The following MYPN variants were observed in gnomAD, a reference collection of about 807,000 sequenced individuals.
MYPN encodes the protein myopalladin, also known as sarcomeric protein myopalladin, 145 kDa (MYOP).
In MYPN, 63 loss-of-function variants were observed where a neutral mutation model predicts 129.4. The observed-to-expected ratio is 0.49, with a 90% CI of 0.40 to 0.60. The LOEUF (loss-of-function observed/expected upper bound fraction) is 0.60. Among genes scored for constraint, MYPN ranks in the 20% least tolerant of loss-of-function variants. MYPN has a pLI of 0.00. For synonymous variants in MYPN, 629 were observed against 600.9 expected (o/e 1.05, Z -0.68); for missense variants, 1,596 against 1,635.4 (o/e 0.98, Z 0.42).
At position 68,158,479 on chromosome 10, in the gene MYPN, A is replaced by G. The variant is rs1219732012; in HGVS notation, c.1318-7A>G. On this transcript the variant is annotated splice_polypyrimidine_tract_variant and splice_region_variant and intron_variant, in intron 6 of 19. Coordinates refer to ENST00000358913, the MANE Select transcript of MYPN (RefSeq NM_032578.4). ...TTGTTCTAACTACATTCTTCTTATC[A>G]TTATAGATGCTACAAAATTTGTCAG... 8 of 1,613,156 alleles carry G rather than the reference A, an allele frequency of 5.0e-6. No individual in the cohort carries two copies. The highest frequency in any genetic ancestry group is 6.8e-6 in the Non-Finnish European group (8 of 1,179,320).
At chr10:68,193,532 G>T (rs764321092) in intron 13 of MYPN, among the ~76,000 whole-genome samples, 1 of 152,102 alleles carries the variant, frequency 6.6e-6, no homozygotes, top group African/African-American at 2.4e-5. Flanking sequence ...ATGTCATATC[G>T]TTATCACTGG....
At chr10:68,203,656 C>G (rs1186122230) in intron 18 of MYPN, among the ~76,000 whole-genome samples, 2 of 151,130 alleles carry the variant, frequency 1.3e-5, no homozygotes, top group Non-Finnish European at 3.0e-5. Context: ...AACCACACAC[C>G]TAGGAACATC....
intron 18 of MYPN, 67 bp from the exon 19 acceptor site, chr10:68,206,703 C>T (rs1014091300): frequency 6.2e-7 from 1 of 1,608,286 alleles, no homozygotes; most frequent in Non-Finnish European, 8.5e-7. Flanking sequence ...CTTCCTGGAA[C>T]CCTAAATTTG....
At chr10:68,163,832 A>G (rs988051433) in intron 8 of MYPN, among the ~76,000 whole-genome samples, 1 of 152,142 alleles carries the variant, frequency 6.6e-6, no homozygotes, top group Admixed American at 6.6e-5. Context: ...TTAATGCTTA[A>G]CTATATTTCT....
chr10:68,104,901 A>C (rs2042000516), upstream of MYPN, among the ~76,000 whole-genome samples: 1 of 151,992 alleles, frequency 6.6e-6, no homozygotes, highest in Non-Finnish European at 1.5e-5. Context: ...CTCCTGTCTC[A>C]GCCTCCCAAG....
At chr10:68,115,959 A>T (rs1267981703) in intron 1 of MYPN, among the ~76,000 whole-genome samples, 1 of 152,148 alleles carries the variant, frequency 6.6e-6, no homozygotes, top group Admixed American at 6.5e-5. Flanking sequence ...GCTTTGCTTG[A>T]CTTTGCTAGC....
At chr10:68,112,754 T>C (rs529020492) in intron 1 of MYPN, among the ~76,000 whole-genome samples, 11 of 152,338 alleles carry the variant, frequency 7.2e-5, no homozygotes, top group South Asian at 4.1e-4. Context: ...TAATGCAGTA[T>C]ATACTAATTT....
At chr10:68,092,499 A>G (rs1294810211) in intron 1 of MYPN, among the ~76,000 whole-genome samples, 1 of 151,966 alleles carries the variant, frequency 6.6e-6, no homozygotes, top group East Asian at 1.9e-4. Context: ...TCGTCTCAAA[A>G]AAAAAAAAAA....
At chr10:68,101,667 G>A (rs868229801), upstream of MYPN, among the ~76,000 whole-genome samples, 6 of 151,788 alleles carry the variant, frequency 4.0e-5, no homozygotes, top group South Asian at 4.2e-4. Context: ...TTAACTCCAG[G>A]TTGACAGTAT....
At chr10:68,163,452 C>T (rs898036539) in intron 8 of MYPN, among the ~76,000 whole-genome samples, 1 of 151,544 alleles carries the variant, frequency 6.6e-6, no homozygotes, top group Admixed American at 6.6e-5. Context: ...CGGTGAAACC[C>T]CGTCTCTACT....
At chr10:68,163,341 T>C (rs1214388343) in intron 8 of MYPN, among the ~76,000 whole-genome samples, 1 of 151,930 alleles carries the variant, frequency 6.6e-6, no homozygotes, top group African/African-American at 2.4e-5. Context: ...ATCCTGTCTA[T>C]AGCAGCTGGG....
At chr10:68,153,411 T>C (rs1345568815) in intron 6 of MYPN, among the ~76,000 whole-genome samples, 2 of 152,258 alleles carry the variant, frequency 1.3e-5, no homozygotes, top group Non-Finnish European at 2.9e-5. Context: ...ATGCATATAC[T>C]TTTGATAAAT....
intron 12 of MYPN, among the ~76,000 whole-genome samples, chr10:68,179,447 TG>T (rs149147153): frequency 6.6e-6 from 1 of 152,298 alleles, no homozygotes; most frequent in Non-Finnish European, 1.5e-5. Flanking sequence ...GCAGAGTAGG[TG>T]CTCAGTGAAC....
At chr10:68,189,217 T>G in intron 13 of MYPN, 91 bp downstream of exon 13, 1 of 883,688 alleles carries the variant, frequency 1.1e-6, no homozygotes, top group Non-Finnish European at 1.8e-6. Context: ...TACGCAATGT[T>G]TTTTCTTCTT....
chr10:68,132,487 G>A (rs548582350), intron 2 of MYPN, among the ~76,000 whole-genome samples: 133 of 152,304 alleles, frequency 8.7e-4, no homozygotes, highest in African/African-American at 2.4e-3. Context: ...CCAAGCCCCA[G>A]TTGTGATATT....
intron 3 of MYPN, among the ~76,000 whole-genome samples, chr10:68,145,180 A>G (rs1236658035): frequency 3.3e-5 from 5 of 152,014 alleles, no homozygotes; most frequent in African/African-American, 1.2e-4. Flanking sequence ...ATGCACCACT[A>G]TGCCCAGCTA....
intron 16 of MYPN, 43 bp from the exon 17 acceptor site, chr10:68,199,325 C>T: frequency 1.3e-6 from 2 of 1,577,646 alleles, no homozygotes; most frequent in Admixed American, 1.7e-5. Context: ...AATAAATGTG[C>T]CTGTCATCAG....
chr10:68,174,366 G>A lies in MYPN; in HGVS notation c.2274G>A (p.Val758=), dbSNP rs749193107. The A allele has an allele frequency of 3.7e-6, 6 of 1,614,144 alleles. No homozygotes were observed. The highest frequency in any genetic ancestry group is 3.3e-5 in the South Asian group (3 of 91,090). ...SSTPQTIQRT[V]SKESLLVSHP... is the part of the protein sequence containing the mutation. ...CTCCTCAAACTATTCAGAGGACAGT[G>A]AGCAAAGAAAGCCTCTTAGTGTCTC... Residue 758 remains valine (V), a synonymous_variant, in exon 11 of 20, where the codon GTG becomes GTA. Coordinates refer to ENST00000358913, the MANE Select transcript of MYPN (RefSeq NM_032578.4).
chr10:68,206,090 G>A (rs953089136), intron 18 of MYPN, among the ~76,000 whole-genome samples: 1 of 152,166 alleles, frequency 6.6e-6, no homozygotes, highest in Non-Finnish European at 1.5e-5. Flanking sequence ...AGTGATAAGA[G>A]GGCCAGGCCA....
Sources: allele counts gnomAD v4.1 joint callset (sites outside exome capture counted in the v4.1 genomes callset), GRCh38; gene constraint gnomAD v4.1.1; transcripts MANE v1.5; gene names NCBI Gene and HGNC (gene_info 2026-07-23, HGNC 2026-07-21).